The following TMEM273 variants were observed in gnomAD, a reference collection of about 807,000 sequenced individuals.
The protein encoded by TMEM273 is chromosome 10 open reading frame 128.
A neutral mutation model predicts 17.9 loss-of-function variants in TMEM273; 19 were observed. That is an observed-to-expected ratio of 1.06 (90% CI 0.74 to 1.55). The LOEUF is 1.55. TMEM273 is among the 40% of genes most tolerant of loss of function. The pLI is 0.00. For missense variants in TMEM273, 194 were observed against 155.6 expected (o/e 1.25, Z -1.31); for synonymous variants, 66 against 62.0 (o/e 1.07, Z -0.31).
At chr10:49,159,775 A>G (rs1244187162) in intron 6 of TMEM273, among the ~76,000 whole-genome samples, 1 of 152,142 alleles carries the variant, frequency 6.6e-6, no homozygotes, top group Non-Finnish European at 1.5e-5. Context: ...TGGGAAAATT[A>G]GACCCTTGTG....
intron 1 of TMEM273, among the ~76,000 whole-genome samples, chr10:49,182,495 T>G: frequency 6.6e-6 from 1 of 152,240 alleles, no homozygotes; most frequent in Admixed American, 6.5e-5. Flanking sequence ...TAAAGTGATA[T>G]TGTATCTCTC....
At chr10:49,166,737 G>C (rs961314114) in intron 3 of TMEM273, 132 bp downstream of exon 3, 9 of 1,348,080 alleles carry the variant, frequency 6.7e-6, no homozygotes, top group African/African-American at 5.7e-5. Context: ...ACATGCAGAG[G>C]TCACTGCCTT....
At position 49,165,786 on chromosome 10, in the gene TMEM273, C is replaced by A. The variant is rs202171289; in HGVS notation, c.249G>T (p.Pro83=). The change falls in exon 4 of 7, where the codon CCG becomes CCT. Residue 83 remains proline (P), a synonymous_variant. Transcript: ENST00000374153. ...CTTACCTTGGGGCTCTCTTCTTTAG[C>A]GGGATGGTGTCTAAACAGAGAAAGC... ...STPGGLSDTI[P]LKKRAPRKLQ... is the part of the protein sequence containing the mutation. 6.2e-7 allele frequency: 1 copy of A among 1,614,102 alleles called. No individual in the cohort carries two copies. The highest frequency in any genetic ancestry group is 1.1e-5 in the South Asian group (1 of 91,076).
chr10:49,165,437 A>G, intron 4 of TMEM273, 154 bp from the exon 5 acceptor site: 1 of 1,493,348 alleles, frequency 6.7e-7, no homozygotes, highest in African/African-American at 1.4e-5. Context: ...GTGACCTCCC[A>G]AGTGACAGGG....
intron 6 of TMEM273, among the ~76,000 whole-genome samples, chr10:49,157,014 A>G (rs1845552455): frequency 6.6e-6 from 1 of 152,214 alleles, no homozygotes; most frequent in Admixed American, 6.5e-5. Context: ...CCAGAGGCTG[A>G]GCAGAGGGTT....
At chr10:49,183,310 T>C (rs2377950) in intron 1 of TMEM273, among the ~76,000 whole-genome samples, 148,663 of 152,134 alleles carry the variant, frequency 0.98, 72,738 homozygotes, top group Non-Finnish European at 1. Context: ...TAAAAGAAAC[T>C]CCATGGTATA....
intron 2 of TMEM273, among the ~76,000 whole-genome samples, 156 bp from the exon 3 acceptor site, chr10:49,167,165 T>C (rs1459325473): frequency 1.3e-5 from 2 of 152,240 alleles, no homozygotes; most frequent in Admixed American, 1.3e-4. Context: ...GTCCCTTTGC[T>C]CCTAGCCTCT....
At chr10:49,186,870 G>C (rs1211114829) in intron 1 of TMEM273, among the ~76,000 whole-genome samples, 1 of 152,148 alleles carries the variant, frequency 6.6e-6, no homozygotes, top group Non-Finnish European at 1.5e-5. Flanking sequence ...GTTGCTGTGG[G>C]AACCAAATGA....
In TMEM273 at chr10:49,161,702, T is replaced by G. The variant is rs1434188931; in HGVS notation, c.349-80A>C. ...CAATGCAAAACTTGCTGCAAGAGAG[T>G]GGCTTGCTTGTCATTAGCTTGCTCT... On this transcript the variant is annotated intron_variant, in intron 5 of 6. Coordinates refer to ENST00000374153, the MANE Select transcript of TMEM273 (RefSeq NM_001288740.3). 2.5e-6 allele frequency: 4 copies of G among 1,570,584 alleles called. No homozygotes were observed. The Admixed American group carries it at 5.0e-5, about 20-fold the overall frequency.
At chr10:49,184,730 G>C (rs758469684) in intron 1 of TMEM273, among the ~76,000 whole-genome samples, 2 of 150,968 alleles carry the variant, frequency 1.3e-5, no homozygotes, top group East Asian at 3.9e-4. Flanking sequence ...GAATTGACAC[G>C]ACATTTCCCC....
chr10:49,188,233 C>T (rs1249974436), intron 1 of TMEM273, 61 bp downstream of exon 1: 5 of 1,584,798 alleles, frequency 3.2e-6, no homozygotes, highest in Non-Finnish European at 3.5e-6. Context: ...GGCTAAGGCT[C>T]CCCCAGTTTC....
At chr10:49,165,912 G>A in intron 3 of TMEM273, 116 bp from the exon 4 acceptor site, 3 of 1,339,006 alleles carry the variant, frequency 2.2e-6, no homozygotes, top group Non-Finnish European at 3.2e-6. Context: ...GCCCTCGAGA[G>A]ACCCGGGGCC....
At chr10:49,187,140 A>G (rs545989665) in intron 1 of TMEM273, among the ~76,000 whole-genome samples, 1 of 152,258 alleles carries the variant, frequency 6.6e-6, no homozygotes, top group East Asian at 1.9e-4. Context: ...AACTTCTCTT[A>G]CCTTCCACCA....
At chr10:49,186,068 G>GGAAGAGGAAGAA (rs1847668268) in intron 1 of TMEM273, among the ~76,000 whole-genome samples, 5 of 67,190 alleles carry the variant, frequency 7.4e-5, no homozygotes, top group African/African-American at 2.0e-4. Flanking sequence ...AAGAAGAAGA[G>GGAAGAGGAAGAA]GAAGAAGAAG....
intron 1 of TMEM273, among the ~76,000 whole-genome samples, chr10:49,170,287 G>C (rs1359340862): frequency 1.3e-5 from 2 of 152,118 alleles, no homozygotes; most frequent in African/African-American, 2.4e-5. Context: ...CCTGGCCTTG[G>C]TTTCTCCAAC....
rs534946814 is a variant in TMEM273, at chr10:49,177,196, G to C, written c.44-9234C>G. Among the ~76,000 whole-genome samples the C allele has an allele frequency of 7.9e-5, 12 of 152,352 alleles. No individual in the cohort carries two copies. The South Asian group carries it at 1.9e-3, about 24-fold the overall frequency. On this transcript the variant is annotated intron_variant, in intron 1 of 6. Transcript: ENST00000374153. The stretch of plus-strand genomic sequence containing the variant: ...CCCAAGCCCTGGCTTTTCTCCTAGA[G>C]TTCTGGGCAATGCTCAGTCCCCAGA...
chr10:49,167,985 G>A, intron 1 of TMEM273, 23 bp from the exon 2 acceptor site: 2 of 1,613,806 alleles, frequency 1.2e-6, no homozygotes, highest in Middle Eastern at 1.7e-4. Flanking sequence ...AAACCCCAGA[G>A]CCTGGTTAGA....
In TMEM273 at chr10:49,155,546, C is replaced by G; in HGVS notation, c.*346G>C. ...TGGGTCGGATTCCCCTTTTCATGAG[C>G]CATTTTCTGTGGTAGGTTCCACGGA... On this transcript the variant is annotated 3_prime_UTR_variant, in exon 7 of 7. Coordinates refer to ENST00000374153, the MANE Select transcript of TMEM273 (RefSeq NM_001288740.3). 2.8e-6 allele frequency: 1 copy of G among 355,392 alleles called. No homozygotes were observed. Among genetic ancestry groups the G allele is most frequent in the South Asian group, 4.5e-5 (1 of 22,144 alleles). The allele number at this position is 355,392 out of a possible 1,614,324, so 22.0% of individuals were successfully genotyped here.
At chr10:49,185,745 G>A (rs180753584) in intron 1 of TMEM273, among the ~76,000 whole-genome samples, 5 of 152,140 alleles carry the variant, frequency 3.3e-5, no homozygotes, top group Non-Finnish European at 5.9e-5. Flanking sequence ...TTTGGAGGCC[G>A]AGGTGGGCGG....
Sources: allele counts gnomAD v4.1 joint callset (sites outside exome capture counted in the v4.1 genomes callset), GRCh38; gene constraint gnomAD v4.1.1; transcripts MANE v1.5; gene names NCBI Gene and HGNC (gene_info 2026-07-23, HGNC 2026-07-21).